The following CAMKK2 variants were observed in gnomAD, a reference collection of about 807,000 sequenced individuals.
The protein encoded by CAMKK2 is calcium/calmodulin-dependent protein kinase kinase 2.
A neutral mutation model predicts 67.2 loss-of-function variants in CAMKK2; 30 were observed. That is an observed-to-expected ratio of 0.45 (90% CI 0.33 to 0.61). The LOEUF is 0.61. CAMKK2 is among the 20% of genes least tolerant of loss of function. The pLI is 0.02. For synonymous variants in CAMKK2, 322 were observed against 326.2 expected (o/e 0.99, Z 0.14); for missense variants, 643 against 802.0 (o/e 0.80, Z 2.39).
intron 2 of CAMKK2, among the ~76,000 whole-genome samples, chr12:121,273,580 C>G (rs981541928): frequency 6.6e-6 from 1 of 152,220 alleles, no homozygotes; most frequent in East Asian, 1.9e-4. Context: ...AGTGACCCGC[C>G]TCATTCCATC....
In CAMKK2 at chr12:121,240,566, CAAAT is replaced by C. The variant is rs756495836; in HGVS notation, c.*129_*132del. ...CCCTTTAAAACAACAAAGGAAAAAA[CAAAT>C]AACCAGAGATGACGATCGAGGCTCT... On this transcript the variant is annotated 3_prime_UTR_variant, in exon 17 of 17. Coordinates refer to ENST00000404169, the MANE Select transcript of CAMKK2 (RefSeq NM_001270485.2). The surrounding 1 kb of genome is among the most constrained non-coding windows in gnomAD (Gnocchi z 4.4). 25 of 1,512,468 alleles carry C rather than the reference CAAAT, an allele frequency of 1.7e-5. No individual in the cohort carries two copies. The highest frequency in any genetic ancestry group is 1.1e-4 in the South Asian group (9 of 82,594). 93.7% of individuals were successfully genotyped at this position (1,512,468 alleles called of 1,614,324 possible). A position where few individuals can be genotyped will look rare whatever the true frequency, so the allele number is the denominator to read the frequency against.
intron 14 of CAMKK2, among the ~76,000 whole-genome samples, chr12:121,247,024 C>T (rs1889618131): frequency 6.6e-6 from 1 of 152,166 alleles, no homozygotes; most frequent in Non-Finnish European, 1.5e-5. Flanking sequence ...GGTTCAAACC[C>T]TGATTCAAAC....
chr12:121,266,277 G>A (rs992765844), intron 5 of CAMKK2, among the ~76,000 whole-genome samples: 29 of 152,186 alleles, frequency 1.9e-4, no homozygotes, highest in Admixed American at 3.9e-4. Context: ...ATAAATATCG[G>A]TTAGGTTAAG....
chr12:121,248,503 G>T, intron 14 of CAMKK2, 103 bp downstream of exon 14: 1 of 1,387,648 alleles, frequency 7.2e-7, no homozygotes. Context: ...GTGGCCCCCG[G>T]ACATCTGACT....
chr12:121,283,271 G>C (rs1024653088), intron 1 of CAMKK2, among the ~76,000 whole-genome samples: 4 of 152,178 alleles, frequency 2.6e-5, no homozygotes, highest in Admixed American at 6.5e-5. Context: ...CAGGGCCCTA[G>C]CCCAGCTAAG....
At chr12:121,273,918 G>A (rs1465137556) in intron 2 of CAMKK2, 138 bp downstream of exon 2, 2 of 661,106 alleles carry the variant, frequency 3.0e-6, no homozygotes, top group Non-Finnish European at 4.8e-6. Context: ...CGCCCCCAAG[G>A]TTCCCTGGAG....
rs1329189278 is a variant in CAMKK2, at chr12:121,255,808, T to C, written c.797-4A>G. ...CCTTGGTTGACCAGTTCGAACACTG[T>C]AGGGAAGAAAAGGGTGAAACTGTTA... On this transcript the variant is annotated splice_region_variant and splice_polypyrimidine_tract_variant and intron_variant, in intron 7 of 16. Transcript: ENST00000404169. 1.2e-6 allele frequency: 2 copies of C among 1,613,772 alleles called. No individual in the cohort carries two copies. Among genetic ancestry groups the C allele is most frequent in the East Asian group, 4.5e-5 (2 of 44,880 alleles).
chr12:121,288,952 G>C (rs1310552256), intron 1 of CAMKK2, among the ~76,000 whole-genome samples: 1 of 152,142 alleles, frequency 6.6e-6, no homozygotes, highest in Non-Finnish European at 1.5e-5. Context: ...AAAAGGGAAA[G>C]GATGTCAGAA....
rs1178222885 is a variant in CAMKK2, at chr12:121,253,490, G to A, written c.908-18C>T. ...GTAGTGTACTGGGGAGGCGTAGACA[G>A]CAGGTGGGAGATAGGGGCAGGAAAA... On this transcript the variant is annotated intron_variant, in intron 9 of 16. Coordinates refer to ENST00000404169, the MANE Select transcript of CAMKK2 (RefSeq NM_001270485.2). The surrounding 1 kb of genome is among the most constrained non-coding windows in gnomAD (Gnocchi z 5.0). 18 of 1,611,438 alleles carry A rather than the reference G, an allele frequency of 1.1e-5. No homozygotes were observed. The highest frequency in any genetic ancestry group is 1.5e-5 in the Non-Finnish European group (18 of 1,177,592).
chr12:121,248,578 C>G, intron 14 of CAMKK2, 28 bp downstream of exon 14: 2 of 1,613,784 alleles, frequency 1.2e-6, no homozygotes, highest in Non-Finnish European at 1.7e-6. Flanking sequence ...TGGGTCCCTG[C>G]TCTGGGTCAG....
chr12:121,249,727 G>T, intron 13 of CAMKK2, 60 bp downstream of exon 13: 1 of 1,387,964 alleles, frequency 7.2e-7, no homozygotes, highest in Non-Finnish European at 1.0e-6. Flanking sequence ...GTGGGGTCTG[G>T]CTGAGGCATG....
At chr12:121,273,927 AGTCAACTCCTAG>A (rs1896265047) in intron 2 of CAMKK2, 117 bp downstream of exon 2, 1 of 705,886 alleles carries the variant, frequency 1.4e-6, no homozygotes, top group South Asian at 2.9e-5. Flanking sequence ...GGTTCCCTGG[AGTCAACTCCTAG>A]GTCAACCGTG....
upstream of CAMKK2, chr12:121,297,799 T>C (rs1901548528): frequency 2.2e-6 from 1 of 460,916 alleles, no homozygotes; most frequent in African/African-American, 2.0e-5. Flanking sequence ...TCTCTTGTAT[T>C]TCTAGGCCGT....
intron 1 of CAMKK2, among the ~76,000 whole-genome samples, chr12:121,289,456 G>T (rs773592618): frequency 6.6e-6 from 1 of 152,152 alleles, no homozygotes; most frequent in Non-Finnish European, 1.5e-5. Flanking sequence ...TGTTGAGAAA[G>T]GGGTCCAATC....
At chr12:121,243,733 C>T (rs1140886) in intron 16 of CAMKK2, 291,534 of 406,550 alleles carry the variant, frequency 0.72, 105,290 homozygotes, top group Non-Finnish European at 0.73. Context: ...GTAAAGTTGA[C>T]GGTGGTAATG....
At position 121,250,071 on chromosome 12, in the gene CAMKK2, C is replaced by T. The variant is rs565040512; in HGVS notation, c.1162-37G>A. On this transcript the variant is annotated intron_variant, in intron 11 of 16. Transcript: ENST00000404169. Reference sequence around the variant, plus strand: ...CCAGGGACAGAGTGGCAGTCAATGGCGGCCACATCTGCCCTTCGAGGGCCA... The same window carrying T: ...CCAGGGACAGAGTGGCAGTCAATGGTGGCCACATCTGCCCTTCGAGGGCCA... 1.2e-5 allele frequency: 18 copies of T among 1,549,584 alleles called. No individual in the cohort carries two copies. In the South Asian group the frequency reaches 1.8e-4, roughly 16 times the overall value.
chr12:121,244,723 T>G, intron 15 of CAMKK2, 108 bp from the exon 16 acceptor site: 1 of 892,284 alleles, frequency 1.1e-6, no homozygotes, highest in South Asian at 1.7e-5. Context: ...ACCAGCTTCA[T>G]AGAGCTGGAG....
At chr12:121,277,591 C>T (rs998723973) in intron 1 of CAMKK2, among the ~76,000 whole-genome samples, 6 of 152,200 alleles carry the variant, frequency 3.9e-5, no homozygotes, top group Admixed American at 1.3e-4. Context: ...ACAGACGAAC[C>T]GTGAAGACAT....
At position 121,240,206 on chromosome 12, in the gene CAMKK2, CA is replaced by C. The variant is rs1219810800; in HGVS notation, c.*492del. On this transcript the variant is annotated 3_prime_UTR_variant, in exon 17 of 17. Coordinates refer to ENST00000404169, the MANE Select transcript of CAMKK2 (RefSeq NM_001270485.2). This position sits in a 1 kb window ranked among gnomAD's most constrained non-coding sequence, Gnocchi z 4.4. ...CAGCCCTGCTCTGACTCCTTGAGACCACGGCTCTGGAAGGTGCCATGGTTTC... is the reference window on the plus strand; with the variant it reads ...CAGCCCTGCTCTGACTCCTTGAGACCCGGCTCTGGAAGGTGCCATGGTTTC... The C allele has an allele frequency of 7.4e-5, 42 of 567,458 alleles. No individual in the cohort carries two copies. The Middle Eastern group carries it at 1.4e-3, about 19-fold the overall frequency. The allele number at this position is 567,458 out of a possible 1,614,324, so 35.2% of individuals were successfully genotyped here. A position where few individuals can be genotyped will look rare whatever the true frequency, so the allele number is the denominator to read the frequency against.
Sources: allele counts gnomAD v4.1 joint callset (sites outside exome capture counted in the v4.1 genomes callset), GRCh38; gene constraint gnomAD v4.1.1; non-coding constraint Gnocchi (gnomAD v3.1); transcripts MANE v1.5; gene names NCBI Gene and HGNC (gene_info 2026-07-23, HGNC 2026-07-21).